PLAGL1: variants seen among roughly 807,000 people sequenced by gnomAD.
PLAGL1 encodes the protein zinc finger protein PLAGL1.
PLAGL1 carries 1 observed loss-of-function variant against 4.6 expected under a neutral mutation model. That is an observed-to-expected ratio of 0.22 (90% CI 0.08 to 1.03). The LOEUF (loss-of-function observed/expected upper bound fraction) is 1.03. Ranked by LOEUF, PLAGL1 falls within the 50% of genes least tolerant of loss-of-function variation. The pLI, the probability that PLAGL1 is intolerant of heterozygous loss-of-function variation, is 0.58. For synonymous variants in PLAGL1, 240 were observed against 237.8 expected, an observed-to-expected ratio of 1.01 and a Z score of -0.08; for missense variants, 464 against 570.4, an observed-to-expected ratio of 0.81 and a Z score of 1.90.
rs1392600866 is a variant in PLAGL1, at chr6:143,962,896, GT to G, written c.-399+1890del. On this transcript the variant is annotated intron_variant, in intron 5 of 7. Transcript: ENST00000674357. The surrounding 1 kb of genome is among the most constrained non-coding windows in gnomAD (Gnocchi z 5.3). ...ATCCTCTAGGCTGAAGATGTACAAG[GT>G]TTGTTTTTGAAAAGCCTCTCGAATA... 6.6e-6 allele frequency among the ~76,000 whole-genome samples: 1 copy of G among 152,216 alleles called. No individual in the cohort carries two copies. The highest frequency in any genetic ancestry group is 1.5e-5 in the Non-Finnish European group (1 of 68,040).
chr6:144,048,329 T>C lies in PLAGL1; in HGVS notation c.-151+16139A>G, dbSNP rs143216150. On this transcript the variant is annotated intron_variant, in intron 1 of 3. Coordinates refer to the PLAGL1 transcript ENST00000437412. This position sits in a 1 kb window ranked among gnomAD's most constrained non-coding sequence, Gnocchi z 4.8. Reference sequence around the variant, plus strand: ...AGTGGCCCTCTTCTCACAGCTCCATTAGGCAGTGCCCCAGTGGGGACTCTG... The same window carrying C: ...AGTGGCCCTCTTCTCACAGCTCCATCAGGCAGTGCCCCAGTGGGGACTCTG... Among the ~76,000 whole-genome samples the C allele has an allele frequency of 0.042, 6,319 of 152,192 alleles. 351 individuals are homozygous for C. The highest frequency in any genetic ancestry group is 0.15 in the East Asian group (764 of 5,168).
At chr6:144,052,582 T>C (rs1328462407) in intron 1 of PLAGL1, among the ~76,000 whole-genome samples, 1 of 152,228 alleles carries the variant, frequency 6.6e-6, no homozygotes, top group Non-Finnish European at 1.5e-5. Flanking sequence ...TGGATGAATA[T>C]ATATCTTGTT....
In PLAGL1 at chr6:144,050,429, G is replaced by A. The variant is rs913189201; in HGVS notation, c.-151+14039C>T. 6.6e-5 allele frequency among the ~76,000 whole-genome samples: 10 copies of A among 152,212 alleles called. No individual in the cohort carries two copies. The highest frequency in any genetic ancestry group is 2.2e-4 in the African/African-American group (9 of 41,532). On this transcript the variant is annotated intron_variant, in intron 1 of 3. Transcript: ENST00000437412. This position sits in a 1 kb window ranked among gnomAD's most constrained non-coding sequence, Gnocchi z 4.3. ...AATCCCTTCTCAGAGCATTTTTATC[G>A]CTCATATGTTATTCTCTTTTCTTCT... is the stretch of plus-strand genomic sequence containing the variant.
At chr6:143,992,363 C>T (rs562828117) in intron 1 of PLAGL1, among the ~76,000 whole-genome samples, 27 of 152,142 alleles carry the variant, frequency 1.8e-4, no homozygotes, top group Non-Finnish European at 3.4e-4. Flanking sequence ...TTCTGCAAGT[C>T]CACAGTGGAT....
chr6:144,010,128 CCCA>C (rs1795056943), upstream of PLAGL1, among the ~76,000 whole-genome samples: 1 of 152,290 alleles, frequency 6.6e-6, no homozygotes, highest in African/African-American at 2.4e-5. The surrounding 1 kb of genome is among the most constrained non-coding windows in gnomAD (Gnocchi z 4.1). Context: ...AATTTACACT[CCCA>C]CCAACAGCGT....
chr6:143,988,412 G>GAGTTAATGGT (rs1255599955), intron 1 of PLAGL1, among the ~76,000 whole-genome samples: 2 of 152,224 alleles, frequency 1.3e-5, no homozygotes, highest in African/African-American at 4.8e-5. Context: ...AATCACAGCA[G>GAGTTAATGGT]AGTTAATGGT....
At position 143,948,269 on chromosome 6, in the gene PLAGL1, G is replaced by T; in HGVS notation, c.-133C>A. On this transcript the variant is annotated 5_prime_UTR_variant, in exon 7 of 8. It adds an upstream start codon to the 5' untranslated region. Coordinates refer to ENST00000674357, the MANE Select transcript of PLAGL1 (RefSeq NM_001317162.2). The surrounding 1 kb of genome is among the most constrained non-coding windows in gnomAD (Gnocchi z 6.0). ...TGAACTCCAGACCACGGGAGAGGCA[G>T]CATCGTGGGCCTGGTTCTACCCAGA... 1.4e-6 allele frequency: 1 copy of T among 735,866 alleles called. No homozygotes were observed. Among genetic ancestry groups the T allele is most frequent in the Non-Finnish European group, 2.3e-6 (1 of 436,436 alleles). 45.6% of individuals were successfully genotyped at this position (735,866 alleles called of 1,614,324 possible).
chr6:144,031,807 T>C (rs1181733909), intron 1 of PLAGL1, among the ~76,000 whole-genome samples: 2 of 152,224 alleles, frequency 1.3e-5, no homozygotes, highest in Non-Finnish European at 2.9e-5. Flanking sequence ...TTGTTCTTTT[T>C]GCTTAGTCTC....
rs1346130638 is a variant in PLAGL1 at position 143,945,894 on chromosome 6, A to G, written c.152+2091T>C. ...CTGAGGCAGGGAAGGCGGTTCTTGC[A>G]TAAAGTACACTGACAGCTTCCCTTT... On this transcript the variant is annotated intron_variant, in intron 7 of 7. Coordinates refer to ENST00000674357, the MANE Select transcript of PLAGL1 (RefSeq NM_001317162.2). This position sits in a 1 kb window ranked among gnomAD's most constrained non-coding sequence, Gnocchi z 4.2. Among the ~76,000 whole-genome samples the G allele has an allele frequency of 1.3e-5, 2 of 152,206 alleles. No individual in the cohort carries two copies. Among genetic ancestry groups the G allele is most frequent in the Admixed American group, 1.3e-4 (2 of 15,290 alleles).
In PLAGL1 at chr6:144,048,172, T is replaced by A. The variant is rs1420259804; in HGVS notation, c.-151+16296A>T. Among the ~76,000 whole-genome samples the A allele has an allele frequency of 6.6e-6, 1 of 152,254 alleles. No individual in the cohort carries two copies. Among genetic ancestry groups the A allele is most frequent in the Non-Finnish European group, 1.5e-5 (1 of 68,044 alleles). On this transcript the variant is annotated intron_variant, in intron 1 of 3. Coordinates refer to the PLAGL1 transcript ENST00000437412. This position sits in a 1 kb window ranked among gnomAD's most constrained non-coding sequence, Gnocchi z 4.8. The stretch of plus-strand genomic sequence containing the variant: ...GTGGGCTCCCACGGTCTTGGGCAGC[T>A]CTGCCTCTGTGGCTTTGCAGGGTAC...
chr6:143,991,566 C>G (rs768484023), intron 1 of PLAGL1, among the ~76,000 whole-genome samples: 2 of 152,206 alleles, frequency 1.3e-5, no homozygotes, highest in Non-Finnish European at 2.9e-5. Flanking sequence ...CAGCACTGCC[C>G]TTAACCCAGG....
In PLAGL1 at chr6:143,947,120, T is replaced by C. The variant is rs1276580980; in HGVS notation, c.152+865A>G. Among the ~76,000 whole-genome samples, 2 of 152,254 alleles carry C rather than the reference T, an allele frequency of 1.3e-5. No homozygotes were observed. Among genetic ancestry groups the C allele is most frequent in the African/African-American group, 2.4e-5 (1 of 41,474 alleles). The stretch of plus-strand genomic sequence containing the variant: ...TCATCTGCTAAAACAGTGCTTTTTA[T>C]CCTTTGGTGTGTCATGGGTGCCTTT... On this transcript the variant is annotated intron_variant, in intron 7 of 7. Transcript: ENST00000674357. This position sits in a 1 kb window ranked among gnomAD's most constrained non-coding sequence, Gnocchi z 4.3.
chr6:143,960,005 G>A lies in PLAGL1; in HGVS notation c.-325+464C>T, dbSNP rs1783027890. Among the ~76,000 whole-genome samples the A allele has an allele frequency of 6.6e-6, 1 of 152,206 alleles. No individual in the cohort carries two copies. The highest frequency in any genetic ancestry group is 2.4e-5 in the African/African-American group (1 of 41,448). On this transcript the variant is annotated intron_variant, in intron 6 of 7. Transcript: ENST00000674357. This position sits in a 1 kb window ranked among gnomAD's most constrained non-coding sequence, Gnocchi z 5.7. ...AAATAAAGCCTCAGGAAGTATGGCT[G>A]GATTGCCTCATGTGGCTGGGATGCG...
rs11758446 is a variant in PLAGL1 at position 144,025,444 on chromosome 6, A to G, written c.-151+39024T>C. ...TTACTTAATAATAATATGTATCACT[A>G]TTGGTTCATTAATTGTGACAAATGT... is the stretch of plus-strand genomic sequence containing the variant. On this transcript the variant is annotated intron_variant, in intron 1 of 3. Transcript: ENST00000437412. Among the ~76,000 whole-genome samples, 86 of 152,328 alleles carry G rather than the reference A, an allele frequency of 5.6e-4. No homozygotes were observed. In the South Asian group the frequency reaches 0.01, roughly 18 times the overall value.
chr6:144,011,024 T>A (rs1026773979), upstream of PLAGL1, among the ~76,000 whole-genome samples: 5 of 152,158 alleles, frequency 3.3e-5, no homozygotes, highest in Non-Finnish European at 5.9e-5. This position sits in a 1 kb window ranked among gnomAD's most constrained non-coding sequence, Gnocchi z 4.3. Context: ...ACCTAGGCAA[T>A]ACCATTCAGG....
In PLAGL1 at chr6:143,963,966, G is replaced by A. The variant is rs1167902730; in HGVS notation, c.-399+821C>T. On this transcript the variant is annotated intron_variant, in intron 5 of 7. Transcript: ENST00000674357. This position sits in a 1 kb window ranked among gnomAD's most constrained non-coding sequence, Gnocchi z 6.1. ...AGACAGAAGCATTCTGAAGAAGTCT[G>A]TCTTTGTTAACAATATCTAAACCCA... 1.3e-5 allele frequency among the ~76,000 whole-genome samples: 2 copies of A among 152,164 alleles called. No homozygotes were observed. Among genetic ancestry groups the A allele is most frequent in the Non-Finnish European group, 2.9e-5 (2 of 68,030 alleles).
intron 1 of PLAGL1, among the ~76,000 whole-genome samples, chr6:144,030,658 G>C (rs1207885536): frequency 6.6e-6 from 1 of 152,202 alleles, no homozygotes; most frequent in East Asian, 1.9e-4. Flanking sequence ...CATCCAGGTT[G>C]CTGTGAATGC....
At chr6:143,951,760 C>T (rs1374852496) in intron 6 of PLAGL1, among the ~76,000 whole-genome samples, 1 of 152,226 alleles carries the variant, frequency 6.6e-6, no homozygotes, top group Non-Finnish European at 1.5e-5. Flanking sequence ...AAGACTAAAA[C>T]ACAAAGTCTC....
chr6:143,943,509 AG>A (rs899075956), intron 7 of PLAGL1, among the ~76,000 whole-genome samples: 1 of 151,820 alleles, frequency 6.6e-6, no homozygotes, highest in African/African-American at 2.4e-5. Flanking sequence ...TTTCAGCCTC[AG>A]CCTCTGCCTG....
Sources: allele counts gnomAD v4.1 joint callset (sites outside exome capture counted in the v4.1 genomes callset), GRCh38; gene constraint gnomAD v4.1.1; non-coding constraint Gnocchi (gnomAD v3.1); transcripts MANE v1.5; gene names NCBI Gene and HGNC (gene_info 2026-07-23, HGNC 2026-07-21).